The following COL17A1 variants were observed in gnomAD, a reference collection of about 807,000 sequenced individuals.
COL17A1 encodes collagen type XVII alpha 1 chain.
Under a neutral mutation model 218.4 loss-of-function variants are expected in COL17A1, and 181 were observed. The observed-to-expected ratio is 0.83, with a 90% CI of 0.73 to 0.94. The LOEUF (loss-of-function observed/expected upper bound fraction) is 0.94. Ranked by LOEUF, COL17A1 falls within the 40% of genes least tolerant of loss-of-function variation. COL17A1 has a pLI of 0.00. For missense variants in COL17A1, 1,924 were observed against 1,945.9 expected, an observed-to-expected ratio of 0.99 and a Z score of 0.21; for synonymous variants, 721 against 731.0, an observed-to-expected ratio of 0.99 and a Z score of 0.22.
intron 23 of COL17A1, among the ~76,000 whole-genome samples, chr10:104,052,673 A>G (rs2086481719): frequency 6.6e-6 from 1 of 152,024 alleles, no homozygotes; most frequent in South Asian, 2.1e-4. Flanking sequence ...GAAAGGCTCA[A>G]AGGTCTGTGC....
At chr10:104,063,581 G>A (rs753801981) in intron 11 of COL17A1, 166 bp downstream of exon 11, 3 of 1,077,348 alleles carry the variant, frequency 2.8e-6, no homozygotes, top group Admixed American at 2.0e-5. Flanking sequence ...TTTTCCCTTG[G>A]GGTCTGAGTT....
chr10:104,034,813 G>A, intron 50 of COL17A1, 46 bp from the exon 51 acceptor site: 2 of 1,600,112 alleles, frequency 1.2e-6, no homozygotes, highest in Non-Finnish European at 1.7e-6. Flanking sequence ...TGCTGCGGAG[G>A]AAGCTGAATT....
chr10:104,043,922 C>G, intron 33 of COL17A1, 62 bp from the exon 34 acceptor site: 1 of 1,587,282 alleles, frequency 6.3e-7, no homozygotes, highest in Non-Finnish European at 8.7e-7. Context: ...GCTCAATAAG[C>G]CATTTTCAAG....
At chr10:104,048,729 C>T (rs2086437907) in intron 29 of COL17A1, among the ~76,000 whole-genome samples, 1 of 152,210 alleles carries the variant, frequency 6.6e-6, no homozygotes, top group Non-Finnish European at 1.5e-5. Context: ...TTGCCTAGCA[C>T]AGTGTCAGCA....
chr10:104,076,579 T>C (rs2086712669), intron 4 of COL17A1, 150 bp from the exon 5 acceptor site: 1 of 1,008,178 alleles, frequency 9.9e-7, no homozygotes, highest in African/African-American at 1.6e-5. Flanking sequence ...TTCCCCCAGC[T>C]GTTCACAAAT....
chr10:104,058,945 AAC>A (rs2086556650), intron 15 of COL17A1, among the ~76,000 whole-genome samples: 2 of 151,930 alleles, frequency 1.3e-5, no homozygotes, highest in Non-Finnish European at 2.9e-5. Context: ...AAAAAAAAAA[AAC>A]AAAAAAAGAA....
intron 9 of COL17A1, among the ~76,000 whole-genome samples, chr10:104,066,636 C>T (rs576438678): frequency 1.5e-4 from 23 of 152,314 alleles, no homozygotes; most frequent in South Asian, 1.0e-3. Context: ...TCCCATAACA[C>T]GCTTGCCTCC....
At chr10:104,050,029 T>A in intron 28 of COL17A1, 60 bp downstream of exon 28, 2 of 1,613,100 alleles carry the variant, frequency 1.2e-6, no homozygotes, top group Non-Finnish European at 1.7e-6. Context: ...TCCAACCTAG[T>A]GACTGATGGA....
In COL17A1 at chr10:104,034,208, C is replaced by G; in HGVS notation, c.3893G>C (p.Ser1298Thr). The change falls in exon 52 of 56, where the codon AGC becomes ACC. Residue 1298 changes from serine to threonine, a missense_variant. Transcript: ENST00000648076. Reference protein sequence around the residue: ...HSRGSSSSSHSSSVRRGSSYS... With the variant: ...HSRGSSSSSHTSSVRRGSSYS... Reference sequence around the variant, plus strand: ...GGAGCTGCCCCGCCTGACAGATGAGCTGTGTGAGGAGGAGCTGCTACCCCG... The same window carrying G: ...GGAGCTGCCCCGCCTGACAGATGAGGTGTGTGAGGAGGAGCTGCTACCCCG... The G allele has an allele frequency of 6.2e-7, 1 of 1,612,992 alleles. No individual in the cohort carries two copies. The highest frequency in any genetic ancestry group is 8.5e-7 in the Non-Finnish European group (1 of 1,179,884).
chr10:104,046,049 T>C (rs941215376), intron 32 of COL17A1, among the ~76,000 whole-genome samples: 3 of 152,178 alleles, frequency 2.0e-5, no homozygotes, highest in Non-Finnish European at 4.4e-5. Flanking sequence ...TTTGGAGGGT[T>C]CCATCCCTTG....
At chr10:104,070,356 T>A (rs912770701) in intron 9 of COL17A1, 70 bp downstream of exon 9, 5 of 1,604,784 alleles carry the variant, frequency 3.1e-6, no homozygotes, top group Non-Finnish European at 4.3e-6. Flanking sequence ...GGTCTCTGAG[T>A]CCACTCTTTG....
intron 18 of COL17A1, 145 bp downstream of exon 18, chr10:104,055,637 C>T: frequency 1.6e-6 from 2 of 1,274,412 alleles, no homozygotes; most frequent in Non-Finnish European, 2.2e-6. Context: ...CCACCTACCT[C>T]TCAGCGCTAT....
At chr10:104,043,687 C>A (rs954369041) in intron 34 of COL17A1, 106 bp from the exon 35 acceptor site, 1 of 1,508,020 alleles carries the variant, frequency 6.6e-7, no homozygotes. Context: ...TTCTTCTCAT[C>A]GCTGCTAAAT....
intron 6 of COL17A1, 155 bp downstream of exon 6, chr10:104,074,028 TA>T: frequency 3.4e-6 from 4 of 1,172,224 alleles, no homozygotes; most frequent in Non-Finnish European, 5.0e-6. Context: ...TGCTTCAGGA[TA>T]AAAAGCAAGG....
At chr10:104,046,114 C>A (rs1293975072) in intron 32 of COL17A1, among the ~76,000 whole-genome samples, 1 of 152,194 alleles carries the variant, frequency 6.6e-6, no homozygotes, top group Non-Finnish European at 1.5e-5. Context: ...TTCTCCCCTG[C>A]AGGGGAGGGG....
At chr10:104,057,320 G>T (rs900056181) in intron 16 of COL17A1, 148 bp from the exon 17 acceptor site, 2 of 1,281,602 alleles carry the variant, frequency 1.6e-6, no homozygotes, top group Non-Finnish European at 2.2e-6. Context: ...GACAGGGCTG[G>T]CTCCTGGACT....
rs2086551463 is a variant in COL17A1, at chr10:104,058,363, C to T, written c.1223-173G>A. ...AATCTGATATTTGCGATAATTACAT[C>T]CATGAAGACATGGCTTGGCAAACAA... On this transcript the variant is annotated intron_variant, in intron 15 of 55. Coordinates refer to ENST00000648076, the MANE Select transcript of COL17A1 (RefSeq NM_000494.4). Among the ~76,000 whole-genome samples, 6 of 152,216 alleles carry T rather than the reference C, an allele frequency of 3.9e-5. No individual in the cohort carries two copies. The South Asian group carries it at 1.2e-3, about 32-fold the overall frequency.
chr10:104,077,983 C>G (rs1430709526), intron 3 of COL17A1, among the ~76,000 whole-genome samples: 1 of 152,178 alleles, frequency 6.6e-6, no homozygotes, highest in African/African-American at 2.4e-5. Flanking sequence ...CACCTGGCAG[C>G]CCATCACTGC....
chr10:104,075,103 T>G (rs146898795), intron 5 of COL17A1, among the ~76,000 whole-genome samples: 1 of 152,270 alleles, frequency 6.6e-6, no homozygotes, highest in East Asian at 1.9e-4. Flanking sequence ...TCTTTCTCCT[T>G]ATTCCCTCCG....
Sources: gnomAD v4.1 joint callset for allele counts (sites outside exome capture counted in the v4.1 genomes callset) on GRCh38, gnomAD v4.1.1 for gene constraint, MANE v1.5 for transcripts, NCBI Gene and HGNC (gene_info 2026-07-23, HGNC 2026-07-21) for gene names.